Variants in MYH9 observed in about 807,000 individuals in gnomAD.
MYH9 encodes myosin heavy chain 9, also known as myosin-9.
A neutral mutation model predicts 241.9 loss-of-function variants in MYH9; 29 were observed. That is an observed-to-expected ratio of 0.12 (90% CI 0.09 to 0.16). MYH9 has a LOEUF of 0.16. Among genes scored for constraint, MYH9 ranks in the 10% least tolerant of loss-of-function variants. The pLI, the probability that MYH9 is intolerant of heterozygous loss-of-function variation, is 1.00. For missense variants in MYH9, 1,803 were observed against 2,595.5 expected (o/e 0.69, Z 6.63); for synonymous variants, 1,047 against 1,062.6 (o/e 0.99, Z 0.29).
Position 36,282,604 on chromosome 22 carries a change from G to A in MYH9, c.*64C>T. 5 of 1,451,532 alleles carry A rather than the reference G, an allele frequency of 3.4e-6. No homozygotes were observed. The highest frequency in any genetic ancestry group is 4.8e-6 in the Non-Finnish European group (5 of 1,035,582). The allele number at this position is 1,451,532 out of a possible 1,614,324, so 89.9% of individuals were successfully genotyped here. A position where few individuals can be genotyped will look rare whatever the true frequency, so the allele number is the denominator to read the frequency against. On this transcript the variant is annotated 3_prime_UTR_variant, in exon 41 of 41. Transcript: ENST00000216181. ...GAAGGTGGGGAGAGGCGTGCTGCGG[G>A]GTCTGGGAAGGGGAGGCTGTGGTGT...
At chr22:36,354,868 G>A (rs2017827833) in intron 1 of MYH9, among the ~76,000 whole-genome samples, 1 of 151,658 alleles carries the variant, frequency 6.6e-6, no homozygotes, top group African/African-American at 2.4e-5. Flanking sequence ...GAATCGACAT[G>A]CACTGCCATT....
At position 36,288,563 on chromosome 22, in the gene MYH9, A is replaced by C. The variant is rs1394479407; in HGVS notation, c.4771-150T>G. 1 of 1,359,434 alleles carries C rather than the reference A, an allele frequency of 7.4e-7. No individual in the cohort carries two copies. The highest frequency in any genetic ancestry group is 2.3e-5 in the East Asian group (1 of 43,524). 84.2% of individuals were successfully genotyped at this position (1,359,434 alleles called of 1,614,324 possible). A position where few individuals can be genotyped will look rare whatever the true frequency, so the allele number is the denominator to read the frequency against. On this transcript the variant is annotated intron_variant, in intron 33 of 40. Coordinates refer to ENST00000216181, the MANE Select transcript of MYH9 (RefSeq NM_002473.6). This position sits in a 1 kb window ranked among gnomAD's most constrained non-coding sequence, Gnocchi z 4.8. ...TTACTGACCATAAGAACTCTAAGAA[A>C]GTGAGTCACTGAACCCCGAGACAGG...
At chr22:36,370,429 C>G (rs1186207113) in intron 1 of MYH9, among the ~76,000 whole-genome samples, 3 of 152,340 alleles carry the variant, frequency 2.0e-5, no homozygotes, top group African/African-American at 7.2e-5. Context: ...ATGCAAGGGT[C>G]CTGGCGACAA....
Position 36,285,989 on chromosome 22 carries a change from C to G in MYH9, c.5062-36G>C. On this transcript the variant is annotated intron_variant, in intron 35 of 40. Transcript: ENST00000216181. The surrounding 1 kb of genome is among the most constrained non-coding windows in gnomAD (Gnocchi z 7.0). ...GACCCAGAGTGTGACCTAAAGGCAG[C>G]CACAGCCCCACAAGACCATCCTTCC... 6.2e-7 allele frequency: 1 copy of G among 1,603,892 alleles called. No homozygotes were observed.
intron 1 of MYH9, among the ~76,000 whole-genome samples, chr22:36,354,999 A>G (rs1189766236): frequency 4.0e-5 from 6 of 151,566 alleles, no homozygotes; most frequent in Admixed American, 3.9e-4. Flanking sequence ...ACACACACAC[A>G]CAGAGGAAAG....
At chr22:36,357,158 G>A (rs1402580819) in intron 1 of MYH9, among the ~76,000 whole-genome samples, 1 of 152,224 alleles carries the variant, frequency 6.6e-6, no homozygotes, top group Non-Finnish European at 1.5e-5. Flanking sequence ...GAAGAGGAGA[G>A]GAACATGCAA....
At chr22:36,381,636 G>T (rs182011238) in intron 1 of MYH9, among the ~76,000 whole-genome samples, 307 of 152,152 alleles carry the variant, frequency 2.0e-3, no homozygotes, top group African/African-American at 7.2e-3. Context: ...TGCATGCACA[G>T]AGCAGAGTTT....
chr22:36,360,626 T>C (rs935080883), intron 1 of MYH9, among the ~76,000 whole-genome samples: 1 of 148,568 alleles, frequency 6.7e-6, no homozygotes, highest in Non-Finnish European at 1.5e-5. Flanking sequence ...GGCAGGAGAA[T>C]GGCGTGAACC....
chr22:36,312,273 C>T, intron 13 of MYH9, 51 bp from the exon 14 acceptor site: 2 of 1,597,484 alleles, frequency 1.3e-6, no homozygotes, highest in Non-Finnish European at 1.7e-6. Flanking sequence ...GGAGGGGCAC[C>T]CCACCCTTCA....
chr22:36,337,579 G>A (rs548730844), intron 3 of MYH9, among the ~76,000 whole-genome samples: 6 of 152,314 alleles, frequency 3.9e-5, no homozygotes, highest in South Asian at 2.1e-4. Context: ...CAACTGCCCC[G>A]TTTGGCAGAA....
rs549272682 is a variant in MYH9 at position 36,294,422 on chromosome 22, G to A, written c.3631-124C>T. 4.4e-4 allele frequency: 452 copies of A among 1,035,988 alleles called. 5 individuals are homozygous for A. In the South Asian group the frequency reaches 5.5e-3, roughly 13 times the overall value. 64.2% of individuals were successfully genotyped at this position (1,035,988 alleles called of 1,614,324 possible). On this transcript the variant is annotated intron_variant, in intron 27 of 40. Transcript: ENST00000216181. The stretch of plus-strand genomic sequence containing the variant: ...GCAGCCCTGACGACGGTGTGCCTGC[G>A]TCCTGGACTCAGACGGCTCGGGCCT...
At chr22:36,315,027 T>C (rs1236358684) in intron 12 of MYH9, among the ~76,000 whole-genome samples, 3 of 152,154 alleles carry the variant, frequency 2.0e-5, no homozygotes, top group Non-Finnish European at 4.4e-5. Context: ...CAAATGATTC[T>C]CTTGCCTCAG....
chr22:36,304,957 TG>T, intron 18 of MYH9, 75 bp downstream of exon 18: 1 of 1,408,402 alleles, frequency 7.1e-7, no homozygotes, highest in Non-Finnish European at 1.0e-6. Flanking sequence ...TATAGCAAGG[TG>T]GGCCCTGGCC....
At position 36,298,860 on chromosome 22, in the gene MYH9, G is replaced by A. The variant is rs2016829380; in HGVS notation, c.3100+59C>T. 13 of 1,605,870 alleles carry A rather than the reference G, an allele frequency of 8.1e-6. No individual in the cohort carries two copies. The South Asian group carries it at 1.4e-4, about 18-fold the overall frequency. ...GTTCCGGTCAGACAGGCCGGCCCCTGACCGCCAGCCCTTGCCCGCCAGCCC... is the reference window on the plus strand; with the variant it reads ...GTTCCGGTCAGACAGGCCGGCCCCTAACCGCCAGCCCTTGCCCGCCAGCCC... On this transcript the variant is annotated intron_variant, in intron 24 of 40. Transcript: ENST00000216181.
chr22:36,365,043 C>T (rs186211879), intron 1 of MYH9: 241 of 142,158 alleles, frequency 1.7e-3, no homozygotes, highest in African/African-American at 5.8e-3. Flanking sequence ...TCGTCTAACT[C>T]ACAGTGCCAC....
In MYH9 at chr22:36,316,106, C is replaced by T. The variant is rs1358410276; in HGVS notation, c.1380+411G>A. Among the ~76,000 whole-genome samples the T allele has an allele frequency of 2.7e-5, 4 of 146,744 alleles. No homozygotes were observed. The Admixed American group carries it at 2.8e-4, about 10-fold the overall frequency. On this transcript the variant is annotated intron_variant, in intron 12 of 40. Transcript: ENST00000216181. ...AGGCTGGAGTGCAATGGCGTGATCTCGGCTCACTGCAACCTCTGCCTCCCG... is the reference window on the plus strand; with the variant it reads ...AGGCTGGAGTGCAATGGCGTGATCTTGGCTCACTGCAACCTCTGCCTCCCG...
intron 23 of MYH9, among the ~76,000 whole-genome samples, chr22:36,299,433 C>T (rs917674069): frequency 6.6e-6 from 1 of 152,212 alleles, no homozygotes; most frequent in Non-Finnish European, 1.5e-5. Flanking sequence ...AGGTGGGCCA[C>T]GGCCCCTCCC....
chr22:36,285,772 C>T lies in MYH9; in HGVS notation c.5160G>A (p.Ala1720=), dbSNP rs780661671. ...CCTCCAGACGCCGCTTCTCCTCTAA[C>T]GCCAGGGCTCTGCGGGGTGGGCGGG... ...IANSSGKGAL[A]LEEKRRLEAR... Residue 1720 remains alanine (A), a synonymous_variant, in exon 37 of 41, where the codon GCG becomes GCA. Transcript: ENST00000216181. The surrounding 1 kb of genome is among the most constrained non-coding windows in gnomAD (Gnocchi z 7.0). 1.3e-5 allele frequency: 21 copies of T among 1,609,574 alleles called. No homozygotes were observed. The South Asian group carries it at 1.4e-4, about 11-fold the overall frequency.
At chr22:36,301,079 C>T (rs2016869744) in intron 21 of MYH9, 22 bp from the exon 22 acceptor site, 1 of 1,604,424 alleles carries the variant, frequency 6.2e-7, no homozygotes, top group African/African-American at 1.3e-5. Context: ...AAGTGGAAAA[C>T]ACAAGCTCCT....
Sources: allele counts gnomAD v4.1 joint callset (sites outside exome capture counted in the v4.1 genomes callset), GRCh38; gene constraint gnomAD v4.1.1; non-coding constraint Gnocchi (gnomAD v3.1); transcripts MANE v1.5; gene names NCBI Gene and HGNC (gene_info 2026-07-23, HGNC 2026-07-21).